ANK2: variants seen among roughly 807,000 people sequenced by gnomAD.
ANK2 encodes ankyrin 2, also known as ankyrin-2.
In ANK2, 83 loss-of-function variants were observed where a neutral mutation model predicts 360.5. The ratio of observed to expected loss-of-function variants is 0.23; its 90% CI spans 0.19 to 0.28. The LOEUF is 0.28. Ranked by LOEUF, ANK2 falls within the 10% of genes least tolerant of loss-of-function variation. The pLI, the probability that ANK2 is intolerant of heterozygous loss-of-function variation, is 1.00. For missense variants in ANK2, 4,201 were observed against 4,795.7 expected (o/e 0.88, Z 3.66); for synonymous variants, 1,740 against 1,759.5 (o/e 0.99, Z 0.28).
At chr4:113,093,788 T>C (rs974004366) in intron 1 of ANK2, among the ~76,000 whole-genome samples, 3 of 152,230 alleles carry the variant, frequency 2.0e-5, no homozygotes, top group Non-Finnish European at 4.4e-5. Flanking sequence ...CAACAAACCT[T>C]CACCAAATAA....
intron 1 of ANK2, among the ~76,000 whole-genome samples, chr4:113,131,376 C>T (rs2096021331): frequency 6.6e-6 from 1 of 152,168 alleles, no homozygotes; most frequent in South Asian, 2.1e-4. Context: ...ATGCAATGCT[C>T]CTGCAATGAG....
intron 1 of ANK2, among the ~76,000 whole-genome samples, chr4:113,122,901 GTTT>G (rs1196353662): frequency 6.6e-6 from 1 of 151,074 alleles, no homozygotes; most frequent in Non-Finnish European, 1.5e-5. Flanking sequence ...ATAAAGCTGA[GTTT>G]TTATTATAAA....
In ANK2 at chr4:113,355,016, C is replaced by T. The variant is rs879253759; in HGVS notation, c.6398C>T (p.Ser2133Phe). ...CAGATCAGCCCAGATAGGAAAACCTCCACTGACTTCTCTGAGGTCATTAAG... is the reference window on the plus strand; with the variant it reads ...CAGATCAGCCCAGATAGGAAAACCTTCACTGACTTCTCTGAGGTCATTAAG... Reference protein sequence around the residue: ...DLQISPDRKTSTDFSEVIKQE... With the variant: ...DLQISPDRKTFTDFSEVIKQE... The change falls in exon 38 of 46, where the codon TCC becomes TTC. Residue 2133 changes from serine (S) to phenylalanine (F), a missense_variant. By Grantham distance (155) the Ser-to-Phe change is radical. Transcript: ENST00000357077. The T allele has an allele frequency of 1.2e-6, 2 of 1,613,872 alleles. No homozygotes were observed. The highest frequency in any genetic ancestry group is 1.7e-6 in the Non-Finnish European group (2 of 1,179,970).
At chr4:113,227,609 A>G (rs1429582241) in intron 4 of ANK2, among the ~76,000 whole-genome samples, 5 of 152,178 alleles carry the variant, frequency 3.3e-5, no homozygotes, top group Non-Finnish European at 4.4e-5. Context: ...AAAAGCTATT[A>G]CAGGAGATTC....
chr4:113,085,963 A>T (rs2084538097), intron 1 of ANK2, among the ~76,000 whole-genome samples: 1 of 152,214 alleles, frequency 6.6e-6, no homozygotes, highest in Admixed American at 6.5e-5. Flanking sequence ...AAAATAGAGG[A>T]CTTAGCAAGA....
At chr4:113,255,681 C>T (rs2048932396) in intron 10 of ANK2, 54 bp from the exon 11 acceptor site, 32 of 1,590,238 alleles carry the variant, frequency 2.0e-5, no homozygotes, top group Non-Finnish European at 2.6e-5. Flanking sequence ...ACTTTGGAAC[C>T]TGAAAATAAT....
At chr4:113,265,830 C>T (rs2055678930) in intron 14 of ANK2, among the ~76,000 whole-genome samples, 1 of 151,906 alleles carries the variant, frequency 6.6e-6, no homozygotes, top group African/African-American at 2.4e-5. Flanking sequence ...TTTGATATAC[C>T]TAAGTTAGAG....
chr4:112,842,470 C>T (rs11733766), intron 1 of ANK2, among the ~76,000 whole-genome samples: 13,924 of 152,180 alleles, frequency 0.091, 878 homozygotes, highest in African/African-American at 0.18. Flanking sequence ...GCACGAGGGA[C>T]GGGTTTCATG....
chr4:113,005,513 A>T (rs1223928403), intron 2 of ANK2, among the ~76,000 whole-genome samples: 2 of 152,170 alleles, frequency 1.3e-5, no homozygotes, highest in East Asian at 3.8e-4. Flanking sequence ...GTCCTCACTC[A>T]TATGTACGAG....
At chr4:113,186,560 G>GTCTC (rs932864935) in intron 2 of ANK2, among the ~76,000 whole-genome samples, 45 of 71,640 alleles carry the variant, frequency 6.3e-4, no homozygotes, top group East Asian at 2.0e-3. Context: ...ATCTTCCCGT[G>GTCTC]TCTCTCTCTC....
chr4:113,069,374 T>A (rs1410570965), intron 1 of ANK2, among the ~76,000 whole-genome samples: 1 of 152,092 alleles, frequency 6.6e-6, no homozygotes, highest in African/African-American at 2.4e-5. Context: ...ATCTTCCAGG[T>A]CTCCAGCACA....
intron 2 of ANK2, among the ~76,000 whole-genome samples, chr4:112,989,396 C>G (rs1451971334): frequency 6.6e-6 from 1 of 152,180 alleles, no homozygotes; most frequent in Non-Finnish European, 1.5e-5. Flanking sequence ...CTTACTGATT[C>G]ATTGACTTCT....
the ANK2 span, among the ~76,000 whole-genome samples, chr4:112,752,848 TAGAGA>T: frequency 6.6e-6 from 1 of 152,140 alleles, no homozygotes; most frequent in African/African-American, 2.4e-5. Flanking sequence ...GTATTTTTTG[TAGAGA>T]AGAGATTTCA....
chr4:112,786,957 C>T, the ANK2 span, among the ~76,000 whole-genome samples: 6 of 151,904 alleles, frequency 3.9e-5, no homozygotes, highest in Non-Finnish European at 8.8e-5. Flanking sequence ...CCATGTTGGC[C>T]AGGTTGGTCT....
chr4:112,884,932 A>G (rs2077816769), intron 1 of ANK2, among the ~76,000 whole-genome samples: 1 of 151,958 alleles, frequency 6.6e-6, no homozygotes, highest in Non-Finnish European at 1.5e-5. Flanking sequence ...GTGAGCTTTG[A>G]TTCTTCTTTT....
intron 2 of ANK2, among the ~76,000 whole-genome samples, chr4:113,178,076 T>C (rs1431764047): frequency 5.3e-5 from 8 of 152,100 alleles, no homozygotes; most frequent in Non-Finnish European, 1.2e-4. Context: ...ATTCCCTGAC[T>C]CGCCAGGTAT....
chr4:113,189,168 TG>T (rs1035628890), intron 2 of ANK2, among the ~76,000 whole-genome samples: 4 of 152,200 alleles, frequency 2.6e-5, no homozygotes, highest in African/African-American at 9.6e-5. Flanking sequence ...TAAGCCAGCT[TG>T]TGTGTCTCAG....
intron 4 of ANK2, among the ~76,000 whole-genome samples, chr4:113,203,287 A>G (rs188523364): frequency 1.5e-3 from 223 of 152,344 alleles, no homozygotes; most frequent in Middle Eastern, 0.01. Context: ...CTTTTAAAAA[A>G]ATGTTCAAAT....
intron 37 of ANK2, among the ~76,000 whole-genome samples, chr4:113,351,291 G>T (rs2095398754): frequency 6.6e-6 from 1 of 152,078 alleles, no homozygotes; most frequent in Non-Finnish European, 1.5e-5. Context: ...CCTACACAAT[G>T]ATCTGAGGGC....
Sources: allele counts gnomAD v4.1 joint callset (sites outside exome capture counted in the v4.1 genomes callset), GRCh38; gene constraint gnomAD v4.1.1; transcripts MANE v1.5; gene names NCBI Gene and HGNC (gene_info 2026-07-23, HGNC 2026-07-21).